BACH2: variants seen among roughly 807,000 people sequenced by gnomAD.
The protein encoded by BACH2 is BACH transcriptional regulator 2.
BACH2 carries 5 observed loss-of-function variants against 61.8 expected under a neutral mutation model. The observed-to-expected ratio is 0.08, with a 90% CI of 0.04 to 0.17. The LOEUF (loss-of-function observed/expected upper bound fraction) is 0.17. Among genes scored for constraint, BACH2 ranks in the 10% least tolerant of loss-of-function variants. The pLI is 1.00. For synonymous variants in BACH2, 446 were observed against 440.1 expected (o/e 1.01, Z -0.17); for missense variants, 824 against 1,091.1 (o/e 0.76, Z 3.45).
intron 5 of BACH2, among the ~76,000 whole-genome samples, chr6:90,045,873 T>C (rs1779753146): frequency 6.6e-6 from 1 of 152,242 alleles, no homozygotes; most frequent in African/African-American, 2.4e-5. Flanking sequence ...CACTAAAAGT[T>C]GGCACATTTT....
At chr6:90,278,925 T>C (rs765839594) in intron 1 of BACH2, among the ~76,000 whole-genome samples, 4 of 152,184 alleles carry the variant, frequency 2.6e-5, no homozygotes, top group Non-Finnish European at 4.4e-5. Flanking sequence ...GCCAAATGTA[T>C]CTTAATATTT....
At chr6:90,179,930 G>A (rs1361917230) in intron 4 of BACH2, among the ~76,000 whole-genome samples, 1 of 152,002 alleles carries the variant, frequency 6.6e-6, no homozygotes, top group Non-Finnish European at 1.5e-5. Flanking sequence ...TCCATGAGTA[G>A]GGCAATTGTA....
chr6:89,955,378 A>G (rs796651464), intron 6 of BACH2, among the ~76,000 whole-genome samples: 6 of 152,338 alleles, frequency 3.9e-5, no homozygotes, highest in African/African-American at 1.4e-4. Context: ...CCATTGCAAG[A>G]TTATATGAGT....
chr6:90,125,607 A>C (rs1783815829), intron 4 of BACH2, among the ~76,000 whole-genome samples: 1 of 152,242 alleles, frequency 6.6e-6, no homozygotes, highest in Non-Finnish European at 1.5e-5. Flanking sequence ...TTCTCTGCTC[A>C]GAACCAATGG....
chr6:90,098,598 A>T (rs1782480877), intron 4 of BACH2, among the ~76,000 whole-genome samples: 1 of 152,210 alleles, frequency 6.6e-6, no homozygotes, highest in African/African-American at 2.4e-5. Context: ...GCATAGACAC[A>T]AAACATTTCC....
At position 90,230,667 on chromosome 6, in the gene BACH2, A is replaced by G. The variant is rs534419852; in HGVS notation, c.-275+21846T>C. On this transcript the variant is annotated intron_variant, in intron 3 of 8. Transcript: ENST00000257749. ...CCCACTAACAATGAACGGTACTTCTACTGCAAAGTTATGATGGGAATGTGG... is the reference window on the plus strand; with the variant it reads ...CCCACTAACAATGAACGGTACTTCTGCTGCAAAGTTATGATGGGAATGTGG... 3.3e-5 allele frequency among the ~76,000 whole-genome samples: 5 copies of G among 152,298 alleles called. No individual in the cohort carries two copies. In the South Asian group the frequency reaches 6.2e-4, roughly 19 times the overall value.
intron 3 of BACH2, among the ~76,000 whole-genome samples, chr6:90,207,698 T>C (rs758668669): frequency 4.6e-5 from 7 of 152,046 alleles, no homozygotes; most frequent in Non-Finnish European, 1.0e-4. Context: ...AATTATAATA[T>C]ATTAAGACTA....
intron 2 of BACH2, among the ~76,000 whole-genome samples, chr6:90,266,126 A>G (rs1472920880): frequency 1.3e-5 from 2 of 152,186 alleles, no homozygotes; most frequent in Non-Finnish European, 2.9e-5. Flanking sequence ...GGCAACAACC[A>G]TGGAGGAATA....
intron 4 of BACH2, among the ~76,000 whole-genome samples, chr6:90,100,692 C>CACACACAG (rs1241536419): frequency 3.2e-4 from 46 of 143,664 alleles, no homozygotes; most frequent in Non-Finnish European, 5.1e-4. Flanking sequence ...TCTCTACACA[C>CACACACAG]ACACACACAG....
At chr6:90,134,278 G>C (rs927346129) in intron 4 of BACH2, among the ~76,000 whole-genome samples, 14 of 152,156 alleles carry the variant, frequency 9.2e-5, no homozygotes, top group African/African-American at 3.4e-4. Flanking sequence ...ATTTGCATTA[G>C]AAATGCATTT....
chr6:90,229,542 G>A (rs1770027500), intron 3 of BACH2, among the ~76,000 whole-genome samples: 1 of 152,154 alleles, frequency 6.6e-6, no homozygotes, highest in Non-Finnish European at 1.5e-5. Flanking sequence ...ATTCTAATGT[G>A]CATCAGAGTT....
At chr6:90,200,571 T>C (rs1582477634) in intron 4 of BACH2, among the ~76,000 whole-genome samples, 3 of 152,300 alleles carry the variant, frequency 2.0e-5, no homozygotes, top group Admixed American at 2.0e-4. Flanking sequence ...AATATCTTCA[T>C]CCATTTGCAC....
intron 6 of BACH2, among the ~76,000 whole-genome samples, chr6:89,955,030 G>C (rs553890970): frequency 7.9e-5 from 12 of 152,330 alleles, no homozygotes; most frequent in Non-Finnish European, 1.6e-4. Context: ...GGCTTTGTTT[G>C]GTGAGCCAGA....
chr6:90,194,830 T>C (rs1458373010), intron 4 of BACH2, among the ~76,000 whole-genome samples: 1 of 152,194 alleles, frequency 6.6e-6, no homozygotes, highest in East Asian at 1.9e-4. Flanking sequence ...CAGATTAAAC[T>C]ATGGGAATCT....
intron 4 of BACH2, among the ~76,000 whole-genome samples, chr6:90,143,187 C>T (rs1784517295): frequency 6.6e-6 from 1 of 152,118 alleles, no homozygotes; most frequent in Non-Finnish European, 1.5e-5. Context: ...AGGTCAGGCA[C>T]CAGACACCCC....
At chr6:89,971,787 G>A (rs897588371) in intron 6 of BACH2, among the ~76,000 whole-genome samples, 1 of 152,156 alleles carries the variant, frequency 6.6e-6, no homozygotes, top group African/African-American at 2.4e-5. Context: ...CAGATCTCAT[G>A]AGACTTATTC....
chr6:90,158,021 T>C (rs1026131859), intron 4 of BACH2, among the ~76,000 whole-genome samples: 12 of 152,100 alleles, frequency 7.9e-5, no homozygotes, highest in African/African-American at 2.7e-4. Context: ...GGGGAGGTGA[T>C]GCCTCTCTGA....
rs1777526061 is a variant in BACH2 at position 90,008,379 on chromosome 6, A to T, written c.243+223T>A. 3.3e-6 allele frequency: 2 copies of T among 604,236 alleles called. No homozygotes were observed. The highest frequency in any genetic ancestry group is 5.7e-6 in the Non-Finnish European group (2 of 348,678). 37.4% of individuals were successfully genotyped at this position (604,236 alleles called of 1,614,324 possible). ...TAGAAACTACAAGTGACTGAGCCAC[A>T]GGTGAGGTTCAGTTCCCTTCAAGAA... On this transcript the variant is annotated intron_variant, in intron 6 of 8. Transcript: ENST00000257749. The surrounding 1 kb of genome is among the most constrained non-coding windows in gnomAD (Gnocchi z 4.1).
chr6:90,070,075 T>C (rs990646734), intron 5 of BACH2, among the ~76,000 whole-genome samples: 1 of 152,166 alleles, frequency 6.6e-6, no homozygotes, highest in African/African-American at 2.4e-5. Context: ...TTTTATTTAA[T>C]CATCCAGTTC....
Sources: gnomAD v4.1 joint callset for allele counts (sites outside exome capture counted in the v4.1 genomes callset) on GRCh38, gnomAD v4.1.1 for gene constraint, Gnocchi (gnomAD v3.1) non-coding constraint, MANE v1.5 for transcripts, NCBI Gene and HGNC (gene_info 2026-07-23, HGNC 2026-07-21) for gene names.